ZFHX3: variants seen among roughly 807,000 people sequenced by gnomAD.
The protein encoded by ZFHX3 is zinc finger homeobox protein 3.
ZFHX3 carries 42 observed loss-of-function variants against 279.1 expected under a neutral mutation model. The ratio of observed to expected loss-of-function variants is 0.15; its 90% CI spans 0.12 to 0.19. The LOEUF is 0.19. ZFHX3 is among the 10% of genes least tolerant of loss of function. The probability of loss-of-function intolerance (pLI) is 1.00; values close to 1 mark genes in which losing one functional copy is unlikely to be tolerated. For synonymous variants in ZFHX3, 2,293 were observed against 1,957.8 expected, an observed-to-expected ratio of 1.17 and a Z score of -4.52; for missense variants, 4,981 against 4,754.0, an observed-to-expected ratio of 1.05 and a Z score of -1.40.
At chr16:72,884,728 C>G (rs2038579015) in intron 4 of ZFHX3, among the ~76,000 whole-genome samples, 1 of 152,182 alleles carries the variant, frequency 6.6e-6, no homozygotes, top group African/African-American at 2.4e-5. Flanking sequence ...TACAGTTTCA[C>G]CCAGGAGCCA....
intron 3 of ZFHX3, among the ~76,000 whole-genome samples, chr16:73,324,120 C>G (rs900606897): frequency 5.3e-5 from 8 of 152,168 alleles, no homozygotes; most frequent in African/African-American, 1.4e-4. Context: ...CCAAGTGTAG[C>G]CAGACTGGAC....
rs978807561 is a variant in ZFHX3, at chr16:73,070,922, GCGCGCGCGCGCGCGCGCA to G, written c.-532-11928_-532-11911del. Among the ~76,000 whole-genome samples the G allele has an allele frequency of 4.4e-4, 13 of 29,348 alleles. No individual in the cohort carries two copies. In the South Asian group the frequency reaches 0.014, roughly 31 times the overall value. The allele number at this position is 29,348 out of a possible 152,430, so 19.3% of individuals were successfully genotyped here. A position where few individuals can be genotyped will look rare whatever the true frequency, so the allele number is the denominator to read the frequency against. ...CTGGTTCCTAGACCGTCTTGCGCGC[GCGCGCGCGCGCGCGCGCA>G]CACACACACACACACACACACACAC... On this transcript the variant is annotated intron_variant, in intron 8 of 17. Transcript: ENST00000641206.
chr16:73,603,014 G>A (rs1408572728), intron 2 of ZFHX3, among the ~76,000 whole-genome samples: 1 of 151,268 alleles, frequency 6.6e-6, no homozygotes, highest in Non-Finnish European at 1.5e-5. Context: ...GGCCGGGCGC[G>A]GTGACTCACG....
At chr16:73,719,497 T>A (rs1268723377) in intron 1 of ZFHX3, among the ~76,000 whole-genome samples, 1 of 152,160 alleles carries the variant, frequency 6.6e-6, no homozygotes, top group East Asian at 1.9e-4. Flanking sequence ...AGAAACAACC[T>A]GCTCCCAAAA....
chr16:73,059,372 GCA>G (rs59438799), exon 1 of ZFHX3: 31,017 of 145,988 alleles, frequency 0.21, 3,806 homozygotes, highest in Non-Finnish European at 0.28. Flanking sequence ...ACGAGCGCGC[GCA>G]CACACACACA....
intron 3 of ZFHX3, among the ~76,000 whole-genome samples, chr16:73,354,324 G>A (rs569939866): frequency 2.0e-5 from 3 of 152,332 alleles, no homozygotes; most frequent in Non-Finnish European, 2.9e-5. Flanking sequence ...AACTTGAAAT[G>A]TAAGGTCCCG....
rs1225998449 is a variant in ZFHX3 at position 72,797,705 on chromosome 16, G to T, written c.4977C>A (p.Gly1659=). 1 of 1,614,010 alleles carries T rather than the reference G, an allele frequency of 6.2e-7. No individual in the cohort carries two copies. Among genetic ancestry groups the T allele is most frequent in the Non-Finnish European group, 8.5e-7 (1 of 1,180,040 alleles). Reference sequence around the variant, plus strand: ...GATTGGAGGTGGTAAAGGTGTTACTGCCACTGGTGCTCACAGGACTTGGCG... The same window carrying T: ...GATTGGAGGTGGTAAAGGTGTTACTTCCACTGGTGCTCACAGGACTTGGCG... ...SSTPSPVSTS[G]SNTFTTSNPS... Residue 1659 remains glycine, a synonymous_variant, in exon 9 of 10, where the codon GGC becomes GGA. Transcript: ENST00000268489.
chr16:73,248,101 C>T (rs111170007), intron 5 of ZFHX3, among the ~76,000 whole-genome samples: 1 of 140,664 alleles, frequency 7.1e-6, no homozygotes, highest in Admixed American at 7.1e-5. Flanking sequence ...TGTATATGTG[C>T]CTGTATGTGG....
intron 5 of ZFHX3, among the ~76,000 whole-genome samples, chr16:73,153,644 C>A (rs980695154): frequency 3.3e-5 from 5 of 151,828 alleles, no homozygotes; most frequent in Non-Finnish European, 7.4e-5. Context: ...AATAAGCACT[C>A]TTTTTTTATT....
At chr16:73,260,680 G>GTTT (rs370384540) in intron 4 of ZFHX3, among the ~76,000 whole-genome samples, 2,105 of 88,300 alleles carry the variant, frequency 0.024, 259 homozygotes, top group East Asian at 0.22. Context: ...CACCTATCTG[G>GTTT]TTTTTTTTTT....
intron 5 of ZFHX3, among the ~76,000 whole-genome samples, chr16:73,253,493 C>A (rs1211945188): frequency 2.0e-5 from 3 of 151,160 alleles, no homozygotes; most frequent in Non-Finnish European, 2.9e-5. Context: ...GCTCTGTCAC[C>A]CAGGCTGGAG....
At chr16:73,036,821 T>C (rs1964924407) in intron 1 of ZFHX3, among the ~76,000 whole-genome samples, 1 of 151,808 alleles carries the variant, frequency 6.6e-6, no homozygotes, top group African/African-American at 2.4e-5. Flanking sequence ...GGATTTAAAA[T>C]GAAAAAAAAT....
At chr16:73,488,185 C>A (rs1321610757) in intron 2 of ZFHX3, among the ~76,000 whole-genome samples, 2 of 152,136 alleles carry the variant, frequency 1.3e-5, no homozygotes, top group Non-Finnish European at 2.9e-5. Flanking sequence ...CCTTTGGGAG[C>A]TAATGTAAGA....
intron 5 of ZFHX3, among the ~76,000 whole-genome samples, chr16:73,191,749 C>T (rs964514964): frequency 1.3e-4 from 19 of 151,672 alleles, no homozygotes; most frequent in Non-Finnish European, 2.4e-4. Context: ...GGGAAGACAA[C>T]CCTGAATTCC....
chr16:73,360,634 C>T (rs934026509), intron 3 of ZFHX3, among the ~76,000 whole-genome samples: 1 of 152,208 alleles, frequency 6.6e-6, no homozygotes, highest in African/African-American at 2.4e-5. Context: ...CCACCATGCC[C>T]AGCCGTATAA....
At chr16:73,821,189 T>C (rs996118018) in intron 1 of ZFHX3, among the ~76,000 whole-genome samples, 5 of 152,180 alleles carry the variant, frequency 3.3e-5, no homozygotes, top group African/African-American at 4.8e-5. Flanking sequence ...CTGTAAAATG[T>C]TATACTCAGG....
intron 4 of ZFHX3, among the ~76,000 whole-genome samples, chr16:72,847,349 T>C (rs1416901084): frequency 6.6e-6 from 1 of 152,178 alleles, no homozygotes; most frequent in African/African-American, 2.4e-5. Context: ...TCTCTGCTAC[T>C]GGTGCCACCA....
intron 1 of ZFHX3, among the ~76,000 whole-genome samples, chr16:73,838,422 CA>C (rs1376100822): frequency 6.6e-6 from 1 of 152,234 alleles, no homozygotes; most frequent in Admixed American, 6.5e-5. Context: ...CTTGCCAGCT[CA>C]AAAAATGCAT....
At chr16:73,289,164 A>C (rs1321823662) in intron 4 of ZFHX3, among the ~76,000 whole-genome samples, 1 of 151,634 alleles carries the variant, frequency 6.6e-6, no homozygotes, top group East Asian at 2.0e-4. Context: ...GCCTGTTCCT[A>C]TTTGAAATGC....
Sources: allele counts gnomAD v4.1 joint callset (sites outside exome capture counted in the v4.1 genomes callset), GRCh38; gene constraint gnomAD v4.1.1; transcripts MANE v1.5; gene names NCBI Gene and HGNC (gene_info 2026-07-23, HGNC 2026-07-21).